Variants in SLC35B1 observed in about 807,000 individuals in gnomAD.
The protein encoded by SLC35B1 is ATP/ADP exchanger ER.
A neutral mutation model predicts 36.6 loss-of-function variants in SLC35B1; 27 were observed. The observed-to-expected ratio is 0.74, with a 90% CI of 0.54 to 1.02. SLC35B1 has a LOEUF of 1.02. Among genes scored for constraint, SLC35B1 ranks in the 50% least tolerant of loss-of-function variants. The pLI, the probability that SLC35B1 is intolerant of heterozygous loss-of-function variation, is 0.00. For missense variants in SLC35B1, 321 were observed against 383.2 expected (o/e 0.84, Z 1.35); for synonymous variants, 162 against 152.5 (o/e 1.06, Z -0.46).
In SLC35B1 at chr17:49,707,904, A is replaced by G. The variant is rs1316809836; in HGVS notation, c.-71T>C. Reference sequence around the variant, plus strand: ...CGGCAGCAGCGGCGGCGGAGGCGACAGCTCCAGCCGGACATCGCCGACCGG... The same window carrying G: ...CGGCAGCAGCGGCGGCGGAGGCGACGGCTCCAGCCGGACATCGCCGACCGG... On this transcript the variant is annotated 5_prime_UTR_variant, in exon 1 of 9. Coordinates refer to ENST00000240333, the MANE Select transcript of SLC35B1 (RefSeq NM_005827.4). 10 of 1,592,856 alleles carry G rather than the reference A, an allele frequency of 6.3e-6. No homozygotes were observed. Among genetic ancestry groups the G allele is most frequent in the Middle Eastern group, 1.8e-4 (1 of 5,482 alleles).
rs890769667 is a variant in SLC35B1 at position 49,707,053 on chromosome 17, A to G, written c.120T>C (p.Tyr40=). 2.5e-6 allele frequency: 4 copies of G among 1,613,556 alleles called. 1 individual carries two copies. In the South Asian group the frequency reaches 4.4e-5, roughly 18 times the overall value. Reference sequence around the variant, plus strand: ...ACGTCTCCTGCTTGGCTCCTTCCCCATACTTTCCTCTTGTTCTAGAAATGA... The same window carrying G: ...ACGTCTCCTGCTTGGCTCCTTCCCCGTACTTTCCTCTTGTTCTAGAAATGA... The part of the protein sequence containing the change: ...ILQEKITRGK[Y]GEGAKQETFT... The change falls in exon 2 of 9, where the codon TAT becomes TAC. Residue 40 remains tyrosine (Y), a synonymous_variant. Transcript: ENST00000240333.
At chr17:49,706,767 T>C (rs962557266) in intron 2 of SLC35B1, among the ~76,000 whole-genome samples, 198 bp downstream of exon 2, 4 of 152,232 alleles carry the variant, frequency 2.6e-5, no homozygotes, top group Admixed American at 2.6e-4. Context: ...ACTCAGAAGC[T>C]GATAAAAATT....
In SLC35B1 at chr17:49,707,912, C is replaced by T. The variant is rs777342365; in HGVS notation, c.-79G>A. On this transcript the variant is annotated 5_prime_UTR_variant, in exon 1 of 9. Transcript: ENST00000240333. Reference sequence around the variant, plus strand: ...GCGGCGGCGGAGGCGACAGCTCCAGCCGGACATCGCCGACCGGCGGCAGGG... The same window carrying T: ...GCGGCGGCGGAGGCGACAGCTCCAGTCGGACATCGCCGACCGGCGGCAGGG... The T allele has an allele frequency of 2.5e-6, 4 of 1,581,120 alleles. No individual in the cohort carries two copies. Among genetic ancestry groups the T allele is most frequent in the Non-Finnish European group, 3.4e-6 (4 of 1,163,888 alleles).
chr17:49,706,001 G>T, intron 3 of SLC35B1, 105 bp from the exon 4 acceptor site: 2 of 1,337,464 alleles, frequency 1.5e-6, no homozygotes, highest in Non-Finnish European at 1.1e-6. Context: ...CTGCACCAGA[G>T]ACCTCAGCCT....
At chr17:49,708,146 C>A, upstream of SLC35B1, 1 of 693,686 alleles carries the variant, frequency 1.4e-6, no homozygotes, top group Non-Finnish European at 2.6e-6. Context: ...GAGATTTTTC[C>A]AATCAGGCAA....
chr17:49,707,889 G>C lies in SLC35B1; in HGVS notation c.-56C>G, dbSNP rs541142072. On this transcript the variant is annotated 5_prime_UTR_variant, in exon 1 of 9. Coordinates refer to ENST00000240333, the MANE Select transcript of SLC35B1 (RefSeq NM_005827.4). ...GCTCACAACCGGCACCGGCAGCAGC[G>C]GCGGCGGAGGCGACAGCTCCAGCCG... 6.2e-6 allele frequency: 10 copies of C among 1,600,472 alleles called. No homozygotes were observed. The highest frequency in any genetic ancestry group is 7.7e-6 in the Non-Finnish European group (9 of 1,174,380).
At chr17:49,704,282 C>A in intron 5 of SLC35B1, 56 bp from the exon 6 acceptor site, 1 of 1,594,948 alleles carries the variant, frequency 6.3e-7, no homozygotes, top group South Asian at 1.1e-5. Flanking sequence ...CCTTTCCAAA[C>A]CCAGGACACA....
At chr17:49,707,282 A>T in intron 1 of SLC35B1, 5 of 1,464,980 alleles carry the variant, frequency 3.4e-6, no homozygotes, top group African/African-American at 2.8e-5. Flanking sequence ...AAAGCCTAAG[A>T]AAAGAATACC....
chr17:49,705,936 A>G, intron 3 of SLC35B1, 40 bp from the exon 4 acceptor site: 1 of 1,603,674 alleles, frequency 6.2e-7, no homozygotes, highest in South Asian at 1.1e-5. Flanking sequence ...AGCATCTGTG[A>G]TGTGTCAGGT....
chr17:49,707,198 G>A (rs1269935299), intron 1 of SLC35B1, 130 bp from the exon 2 acceptor site: 1 of 1,316,824 alleles, frequency 7.6e-7, no homozygotes, highest in African/African-American at 1.5e-5. Context: ...GTTTGTTAAG[G>A]ACCACTAGGC....
In SLC35B1 at chr17:49,702,755, G is replaced by A. The variant is rs1233128252; in HGVS notation, c.916+103C>T. The A allele has an allele frequency of 3.0e-6, 4 of 1,325,456 alleles. No individual in the cohort carries two copies. In the East Asian group the frequency reaches 7.6e-5, roughly 25 times the overall value. 82.1% of individuals were successfully genotyped at this position (1,325,456 alleles called of 1,614,324 possible). On this transcript the variant is annotated intron_variant, in intron 8 of 8. Transcript: ENST00000240333. ...GAGCGAAACTCCGTCTCAAAAAAAAGAGAAAAGTTTTCTCTAAAATATTTA... is the reference window on the plus strand; with the variant it reads ...GAGCGAAACTCCGTCTCAAAAAAAAAAGAAAAGTTTTCTCTAAAATATTTA...
chr17:49,706,421 C>T (rs2073421465), intron 2 of SLC35B1, 87 bp from the exon 3 acceptor site: 1 of 1,278,686 alleles, frequency 7.8e-7, no homozygotes, highest in African/African-American at 1.6e-5. Context: ...CTAGGATGGA[C>T]CACTAAGCAA....
At chr17:49,705,734 G>C in intron 4 of SLC35B1, 132 bp downstream of exon 4, 1 of 836,172 alleles carries the variant, frequency 1.2e-6, no homozygotes, top group Non-Finnish European at 2.0e-6. Context: ...GGGCAGCAGG[G>C]AGAGCTGGGG....
intron 6 of SLC35B1, 44 bp downstream of exon 6, chr17:49,704,056 G>A: frequency 6.2e-7 from 1 of 1,612,766 alleles, no homozygotes; most frequent in African/African-American, 1.3e-5. Flanking sequence ...AGGGCAGCCT[G>A]CCCTCTGGTG....
At chr17:49,703,039 T>C (rs754760769) in intron 7 of SLC35B1, 28 bp from the exon 8 acceptor site, 8 of 1,613,438 alleles carry the variant, frequency 5.0e-6, no homozygotes, top group Middle Eastern at 1.7e-4. Context: ...TGAGGTCCGG[T>C]GGGCTTCTGG....
At chr17:49,702,771 A>C in intron 8 of SLC35B1, 87 bp downstream of exon 8, 4 of 1,433,500 alleles carry the variant, frequency 2.8e-6, no homozygotes, top group Non-Finnish European at 3.8e-6. Flanking sequence ...AGTTTTCTCT[A>C]AAATATTTAA....
chr17:49,708,187 C>T (rs1240468298), upstream of SLC35B1: 8 of 638,546 alleles, frequency 1.3e-5, no homozygotes, highest in East Asian at 2.0e-4. Context: ...CAGAGCACCA[C>T]AGGGTGTCCT....
Position 49,701,435 on chromosome 17 carries a change from ATGTGGAGGTAGTCTCTCTCTTCCTAG to A in SLC35B1, c.966_*22del. The A allele has an allele frequency of 1.3e-6, 2 of 1,590,022 alleles. No individual in the cohort carries two copies. Among genetic ancestry groups the A allele is most frequent in the Non-Finnish European group, 1.7e-6 (2 of 1,158,304 alleles). Reference sequence around the variant, plus strand: ...TGAGATAATAACTTAAATATTCTTGATGTGGAGGTAGTCTCTCTCTTCCTAGTGGGATGTCTTCTTAGCTCCTTTCC... The same window carrying A: ...TGAGATAATAACTTAAATATTCTTGATGGGATGTCTTCTTAGCTCCTTTCC... On this transcript the variant is annotated stop_lost and 3_prime_UTR_variant, in exon 9 of 9. Coordinates refer to ENST00000240333, the MANE Select transcript of SLC35B1 (RefSeq NM_005827.4).
chr17:49,707,858 A>T lies in SLC35B1; in HGVS notation c.-25T>A, dbSNP rs1334151131. 6.2e-7 allele frequency: 1 copy of T among 1,610,718 alleles called. No individual in the cohort carries two copies. Among genetic ancestry groups the T allele is most frequent in the Non-Finnish European group, 8.5e-7 (1 of 1,179,300 alleles). ...TGAGACGCCCAGAGGAGCCGACTGG[A>T]GACCCGCTCACAACCGGCACCGGCA... On this transcript the variant is annotated 5_prime_UTR_variant, in exon 1 of 9. Coordinates refer to ENST00000240333, the MANE Select transcript of SLC35B1 (RefSeq NM_005827.4).
Sources: gnomAD v4.1 joint callset for allele counts (sites outside exome capture counted in the v4.1 genomes callset) on GRCh38, gnomAD v4.1.1 for gene constraint, MANE v1.5 for transcripts, NCBI Gene and HGNC (gene_info 2026-07-23, HGNC 2026-07-21) for gene names.